The following CERK variants were observed in gnomAD, a reference collection of about 807,000 sequenced individuals.
The protein encoded by CERK is acylsphingosine kinase.
A neutral mutation model predicts 63.4 loss-of-function variants in CERK; 39 were observed. That is an observed-to-expected ratio of 0.61 (90% CI 0.48 to 0.80). The LOEUF is 0.80. CERK is among the 30% of genes least tolerant of loss of function. The pLI is 0.00. For synonymous variants in CERK, 302 were observed against 280.0 expected, an observed-to-expected ratio of 1.08 and a Z score of -0.78; for missense variants, 670 against 714.1, an observed-to-expected ratio of 0.94 and a Z score of 0.70.
chr22:46,712,610 A>G (rs564855249), intron 3 of CERK, among the ~76,000 whole-genome samples: 1 of 152,306 alleles, frequency 6.6e-6, no homozygotes, highest in African/African-American at 2.4e-5. Flanking sequence ...TGGGGGCAGC[A>G]GCCTCGTTCT....
At chr22:46,689,412 C>A (rs1405928568) in intron 12 of CERK, among the ~76,000 whole-genome samples, 1 of 152,178 alleles carries the variant, frequency 6.6e-6, no homozygotes, top group South Asian at 2.1e-4. Context: ...GCTCTGTCAC[C>A]AAGGCTGGAG....
At chr22:46,693,803 T>C in intron 9 of CERK, 1 of 383,498 alleles carries the variant, frequency 2.6e-6, no homozygotes. Context: ...ATAGCCTGGC[T>C]GGGAGAAATG....
intron 1 of CERK, 85 bp downstream of exon 1, chr22:46,737,922 G>T: frequency 1.0e-6 from 1 of 979,176 alleles, no homozygotes; most frequent in Non-Finnish European, 1.3e-6. Context: ...CTCGCTCCCT[G>T]CACCCGGTCC....
intron 3 of CERK, among the ~76,000 whole-genome samples, chr22:46,715,600 C>T (rs111767608): frequency 2.0e-5 from 3 of 151,626 alleles, no homozygotes; most frequent in African/African-American, 7.3e-5. Flanking sequence ...GCAGGAGGAT[C>T]GCTTGAGCCC....
chr22:46,690,330 C>T, intron 11 of CERK, 130 bp from the exon 12 acceptor site: 6 of 651,740 alleles, frequency 9.2e-6, no homozygotes, highest in East Asian at 5.4e-5. Flanking sequence ...TCGGAGGATG[C>T]GACTGCTTGT....
At chr22:46,703,476 C>T (rs1380974573) in intron 6 of CERK, among the ~76,000 whole-genome samples, 1 of 152,220 alleles carries the variant, frequency 6.6e-6, no homozygotes, top group East Asian at 1.9e-4. Flanking sequence ...TCCAGGCGGC[C>T]TCCCACAGGG....
intron 6 of CERK, among the ~76,000 whole-genome samples, chr22:46,701,919 G>A (rs567529114): frequency 3.3e-5 from 5 of 152,250 alleles, no homozygotes; most frequent in African/African-American, 4.8e-5. Context: ...GGTGGCTCAC[G>A]CCTGTCATCC....
At chr22:46,711,203 G>C (rs776681637) in intron 4 of CERK, 54 bp from the exon 5 acceptor site, 7 of 1,324,702 alleles carry the variant, frequency 5.3e-6, no homozygotes, top group Non-Finnish European at 6.5e-6. Flanking sequence ...GAGTCCTCAC[G>C]TAAAAGGCAA....
In CERK at chr22:46,720,979, A is replaced by G. The variant is rs775238803; in HGVS notation, c.179T>C (p.Val60Ala). The G allele has an allele frequency of 1.2e-6, 2 of 1,613,730 alleles. No individual in the cohort carries two copies. The highest frequency in any genetic ancestry group is 2.2e-5 in the South Asian group (2 of 91,082). The change falls in exon 2 of 13, where the codon GTT becomes GCT. Residue 60 changes from valine (V) to alanine (A), a missense_variant. Val to Ala is a moderately conservative substitution (Grantham distance 64, BLOSUM62 0). Coordinates refer to ENST00000216264, the MANE Select transcript of CERK (RefSeq NM_022766.6). ...TTTCCCGTGAACGTCTGTTTCCTCA[A>G]CGGCGATGATCTCAGATACAGGCAC... is the stretch of plus-strand genomic sequence containing the variant. ...CSVPVSEIIA[V>A]EETDVHGKHQ... is the part of the protein sequence containing the mutation.
intron 3 of CERK, among the ~76,000 whole-genome samples, chr22:46,719,194 T>TC (rs2082880451): frequency 6.7e-6 from 1 of 148,290 alleles, no homozygotes; most frequent in African/African-American, 2.6e-5. Context: ...TTCCTTTTTT[T>TC]AAACTTTTAA....
chr22:46,727,288 T>C (rs1275464488), intron 1 of CERK, among the ~76,000 whole-genome samples: 1 of 145,612 alleles, frequency 6.9e-6, no homozygotes, highest in Non-Finnish European at 1.5e-5. Context: ...TCTCCTCTTC[T>C]TTTTTTTTTT....
At chr22:46,713,028 T>G (rs1419156030) in intron 3 of CERK, among the ~76,000 whole-genome samples, 1 of 151,588 alleles carries the variant, frequency 6.6e-6, no homozygotes, top group Non-Finnish European at 1.5e-5. Flanking sequence ...GTATTGTTAG[T>G]AGAGATGGGG....
At chr22:46,711,331 C>G (rs1009183938) in intron 4 of CERK, among the ~76,000 whole-genome samples, 182 bp from the exon 5 acceptor site, 1 of 152,172 alleles carries the variant, frequency 6.6e-6, no homozygotes, top group Non-Finnish European at 1.5e-5. Context: ...CCTCAGGGAA[C>G]GTGAACATGA....
intron 6 of CERK, among the ~76,000 whole-genome samples, chr22:46,703,522 C>A (rs2082797856): frequency 6.6e-6 from 1 of 152,160 alleles, no homozygotes; most frequent in Admixed American, 6.5e-5. Context: ...AACTCTTGTG[C>A]CCCCAGGCTG....
At chr22:46,708,895 A>G (rs1291979190) in intron 5 of CERK, among the ~76,000 whole-genome samples, 1 of 152,116 alleles carries the variant, frequency 6.6e-6, no homozygotes, top group African/African-American at 2.4e-5. Context: ...TAGGGGGTGC[A>G]GCCTGAGGGG....
At chr22:46,713,559 G>A (rs372419591) in intron 3 of CERK, among the ~76,000 whole-genome samples, 9 of 148,222 alleles carry the variant, frequency 6.1e-5, no homozygotes, top group East Asian at 4.0e-4. Flanking sequence ...AGACACAAAT[G>A]TTCATCACAG....
chr22:46,719,692 A>T (rs1433225784), intron 3 of CERK, among the ~76,000 whole-genome samples: 1 of 152,172 alleles, frequency 6.6e-6, no homozygotes, highest in Non-Finnish European at 1.5e-5. Flanking sequence ...AGAAAAGAAA[A>T]GAAAAAAGAC....
intron 6 of CERK, among the ~76,000 whole-genome samples, chr22:46,706,664 G>C (rs1306881818): frequency 6.6e-6 from 1 of 152,152 alleles, no homozygotes; most frequent in African/African-American, 2.4e-5. Flanking sequence ...AAGCCAAAGG[G>C]AAGGGATCGT....
chr22:46,702,932 C>T (rs537684819), intron 6 of CERK, among the ~76,000 whole-genome samples: 117 of 152,326 alleles, frequency 7.7e-4, no homozygotes, highest in African/African-American at 2.6e-3. Context: ...CTCATCCACC[C>T]GGCCAGCACT....
Sources: allele counts gnomAD v4.1 joint callset (sites outside exome capture counted in the v4.1 genomes callset), GRCh38; gene constraint gnomAD v4.1.1; transcripts MANE v1.5; gene names NCBI Gene and HGNC (gene_info 2026-07-23, HGNC 2026-07-21).